The following HOXC4 variants were observed in gnomAD, a reference collection of about 807,000 sequenced individuals.
HOXC4 encodes the protein homeobox C4.
In HOXC4, 15 loss-of-function variants were observed where a neutral mutation model predicts 25.5. The ratio of observed to expected loss-of-function variants is 0.59; its 90% CI spans 0.39 to 0.91. The LOEUF (loss-of-function observed/expected upper bound fraction) is 0.91, where lower values mean the gene tolerates loss of function less well. Ranked by LOEUF, HOXC4 falls within the 40% of genes least tolerant of loss-of-function variation. The pLI, the probability that HOXC4 is intolerant of heterozygous loss-of-function variation, is 0.00. For missense variants in HOXC4, 342 were observed against 352.4 expected (o/e 0.97, Z 0.24); for synonymous variants, 165 against 148.0 (o/e 1.11, Z -0.83).
intron 1 of HOXC4, among the ~76,000 whole-genome samples, chr12:54,054,616 T>G (rs919065011): frequency 6.6e-6 from 1 of 152,162 alleles, no homozygotes; most frequent in Non-Finnish European, 1.5e-5. Context: ...GTGAAAACTA[T>G]GCTCGCTTTC....
chr12:54,044,244 C>G (rs1185048000), intron 1 of HOXC4, among the ~76,000 whole-genome samples: 2 of 152,070 alleles, frequency 1.3e-5, no homozygotes, highest in Non-Finnish European at 2.9e-5. Context: ...CCTTTCCTCC[C>G]TTCCCCAGTA....
In HOXC4 at chr12:54,054,174, C is replaced by T; in HGVS notation, c.252C>T (p.Ala84=). 6.2e-7 allele frequency: 1 copy of T among 1,613,698 alleles called. No homozygotes were observed. The highest frequency in any genetic ancestry group is 1.6e-4 in the Middle Eastern group (1 of 6,062). The change falls in exon 1 of 2, where the codon GCC becomes GCT. Residue 84 remains alanine, a synonymous_variant. Coordinates refer to ENST00000430889, the MANE Select transcript of HOXC4 (RefSeq NM_153633.3). ...GCAATTCGCGAGGCCACGGGCCGGC[C>T]CAGGCGGGCCACCACCACCCCGAGA... ...GPGNSRGHGP[A]QAGHHHPEKS...
At chr12:54,018,904 C>A (rs1203603117) in intron 1 of HOXC4, among the ~76,000 whole-genome samples, 1 of 152,128 alleles carries the variant, frequency 6.6e-6, no homozygotes, top group Non-Finnish European at 1.5e-5. Context: ...GGGAGGGGAT[C>A]GCTCCACGAT....
intron 1 of HOXC4, chr12:54,030,664 A>G (rs760238658): frequency 6.5e-6 from 1 of 152,676 alleles, no homozygotes; most frequent in Non-Finnish European, 1.5e-5. Context: ...AAAAGAGGGA[A>G]AATTACAAAA....
intron 1 of HOXC4, chr12:54,037,805 C>A (rs1717286135): frequency 6.6e-6 from 1 of 152,278 alleles, no homozygotes; most frequent in South Asian, 2.1e-4. Context: ...TGGGGGACCA[C>A]GTGATATCAT....
chr12:54,019,188 C>T (rs527758598), intron 1 of HOXC4, among the ~76,000 whole-genome samples: 94 of 140,720 alleles, frequency 6.7e-4, no homozygotes, highest in Non-Finnish European at 1.2e-3. Flanking sequence ...CCCCCCCACC[C>T]CCAGTAGGAC....
At position 54,030,156 on chromosome 12, in the gene HOXC4, C is replaced by G. The variant is rs141463318; in HGVS notation, c.-124+12742C>G. The stretch of plus-strand genomic sequence containing the variant: ...CTCACCGCACAACTCTCTTTCACCA[C>G]GCGCCTCCTCCTCCTCGCTCCCTTG... On this transcript the variant is annotated intron_variant, in intron 1 of 3. Transcript: ENST00000303406. 3.4e-3 allele frequency: 1,872 copies of G among 545,362 alleles called. 48 individuals carry two copies. Among genetic ancestry groups the G allele is most frequent in the African/African-American group, 0.032 (1,695 of 53,206 alleles). The allele number at this position is 545,362 out of a possible 1,614,324, so 33.8% of individuals were successfully genotyped here. A position where few individuals can be genotyped will look rare whatever the true frequency, so the allele number is the denominator to read the frequency against.
chr12:54,052,698 G>C (rs1937877113), upstream of HOXC4, among the ~76,000 whole-genome samples: 1 of 152,144 alleles, frequency 6.6e-6, no homozygotes, highest in Non-Finnish European at 1.5e-5. Flanking sequence ...GGTGTGAATG[G>C]GCTGGAGACC....
intron 1 of HOXC4, among the ~76,000 whole-genome samples, chr12:54,038,424 G>A (rs2136454472): frequency 6.6e-6 from 1 of 152,352 alleles, no homozygotes; most frequent in East Asian, 1.9e-4. Context: ...AGGGAGGGGT[G>A]AGTTCAGCCC....
At chr12:54,024,272 G>T (rs543719901) in intron 1 of HOXC4, among the ~76,000 whole-genome samples, 3 of 152,158 alleles carry the variant, frequency 2.0e-5, no homozygotes, top group Non-Finnish European at 4.4e-5. Flanking sequence ...AGCTGCGGTC[G>T]CGTCCAGGCA....
chr12:54,028,264 TATA>T (rs1434578411), intron 1 of HOXC4: 6 of 72,028 alleles, frequency 8.3e-5, no homozygotes, highest in African/African-American at 1.9e-4. Context: ...TATATATATA[TATA>T]TTTTTTAAAA....
At chr12:54,043,291 G>A (rs1334546944) in intron 1 of HOXC4, among the ~76,000 whole-genome samples, 1 of 152,160 alleles carries the variant, frequency 6.6e-6, no homozygotes, top group African/African-American at 2.4e-5. Flanking sequence ...CCCCATATGG[G>A]CTGGGTGAAA....
intron 1 of HOXC4, among the ~76,000 whole-genome samples, chr12:54,024,455 T>C (rs965593778): frequency 3.9e-5 from 6 of 152,130 alleles, no homozygotes; most frequent in Non-Finnish European, 8.8e-5. Context: ...CGCGCAGAGT[T>C]AGGGGATCTG....
At chr12:54,024,172 C>G (rs999736775) in intron 1 of HOXC4, among the ~76,000 whole-genome samples, 3 of 152,178 alleles carry the variant, frequency 2.0e-5, no homozygotes, top group Non-Finnish European at 4.4e-5. Flanking sequence ...TTTTAGCCCT[C>G]GCCCAGTGGC....
At chr12:54,033,346 C>T (rs761256129) in intron 1 of HOXC4, 1 of 1,612,916 alleles carries the variant, frequency 6.2e-7, no homozygotes, top group African/African-American at 1.3e-5. Flanking sequence ...GACCGCCCCG[C>T]CTGCAGCGCC....
chr12:54,041,525 C>T (rs1323666665), intron 1 of HOXC4, among the ~76,000 whole-genome samples: 3 of 152,216 alleles, frequency 2.0e-5, no homozygotes, highest in African/African-American at 4.8e-5. Context: ...GCTTTGTCAA[C>T]AATCCCCTCA....
upstream of HOXC4, among the ~76,000 whole-genome samples, chr12:54,051,898 A>G (rs1348353634): frequency 1.3e-5 from 2 of 152,088 alleles, no homozygotes; most frequent in East Asian, 1.9e-4. Context: ...CCTCTCCAAC[A>G]TCCCAAAGGT....
intron 1 of HOXC4, chr12:54,028,288 T>G: frequency 2.9e-6 from 1 of 347,386 alleles, no homozygotes; most frequent in Non-Finnish European, 5.2e-6. Context: ...GAAATCCAAG[T>G]CTTACTTTCA....
intron 1 of HOXC4, among the ~76,000 whole-genome samples, chr12:54,046,808 T>C (rs1937722042): frequency 6.6e-6 from 1 of 152,170 alleles, no homozygotes; most frequent in African/African-American, 2.4e-5. Flanking sequence ...TTCTCCCCTC[T>C]TTCCCTTCCT....
Sources: gnomAD v4.1 joint callset for allele counts (sites outside exome capture counted in the v4.1 genomes callset) on GRCh38, gnomAD v4.1.1 for gene constraint, MANE v1.5 for transcripts, NCBI Gene and HGNC (gene_info 2026-07-23, HGNC 2026-07-21) for gene names.